DUT: variants seen among roughly 807,000 people sequenced by gnomAD.
The protein encoded by DUT is deoxyuridine 5'-triphosphate nucleotidohydrolase, mitochondrial.
Under a neutral mutation model 28.8 loss-of-function variants are expected in DUT, and 21 were observed. That is an observed-to-expected ratio of 0.73 (90% CI 0.52 to 1.05). The LOEUF (loss-of-function observed/expected upper bound fraction) is 1.05, where lower values mean the gene tolerates loss of function less well. Ranked by LOEUF, DUT falls within the 50% of genes least tolerant of loss-of-function variation. DUT has a pLI of 0.00. For synonymous variants in DUT, 147 were observed against 143.7 expected (o/e 1.02, Z -0.17); for missense variants, 344 against 351.8 (o/e 0.98, Z 0.18).
At chr15:48,341,855 A>G (rs2141169914) in intron 6 of DUT, 167 bp from the exon 7 acceptor site, 1 of 607,648 alleles carries the variant, frequency 1.6e-6, no homozygotes, top group African/African-American at 2.0e-5. Flanking sequence ...CCAGTATTCT[A>G]ATTTATGGAG....
chr15:48,331,701 C>T lies in DUT; in HGVS notation c.186C>T (p.Arg62=). The change falls in exon 1 of 7, where the codon CGC becomes CGT. Residue 62 remains arginine (R), a synonymous_variant. Coordinates refer to ENST00000331200, the MANE Select transcript of DUT (RefSeq NM_001025248.2). ...CCCGGCCGCTGTCCAGCGCTGGCCG[C>T]CTGAGCCAAGGCTGCCGCGGAGCCA... ...GIPRPLSSAG[R]LSQGCRGAST... 2 of 1,517,266 alleles carry T rather than the reference C, an allele frequency of 1.3e-6. No homozygotes were observed. Among genetic ancestry groups the T allele is most frequent in the Non-Finnish European group, 8.8e-7 (1 of 1,133,908 alleles). The allele number at this position is 1,517,266 out of a possible 1,614,324, so 94.0% of individuals were successfully genotyped here. A position where few individuals can be genotyped will look rare whatever the true frequency, so the allele number is the denominator to read the frequency against.
At chr15:48,333,735 G>A (rs1350891231) in intron 2 of DUT, among the ~76,000 whole-genome samples, 1 of 152,172 alleles carries the variant, frequency 6.6e-6, no homozygotes, top group Non-Finnish European at 1.5e-5. Flanking sequence ...TCCAGGGGCC[G>A]TTCACGGTGA....
At chr15:48,340,792 T>C (rs1204447541) in intron 4 of DUT, among the ~76,000 whole-genome samples, 2 of 152,184 alleles carry the variant, frequency 1.3e-5, no homozygotes, top group African/African-American at 4.8e-5. Context: ...AGTGTAAAAA[T>C]GGAATATTCT....
intron 2 of DUT, 58 bp downstream of exon 2, chr15:48,332,464 C>A (rs1389116300): frequency 1.4e-6 from 2 of 1,394,382 alleles, no homozygotes; most frequent in Admixed American, 2.7e-5. Context: ...GCTGCCACAG[C>A]TAGAAACAGT....
chr15:48,332,308 G>T lies in DUT; in HGVS notation c.321G>T (p.Ala107=). 1.2e-6 allele frequency: 2 copies of T among 1,608,920 alleles called. No individual in the cohort carries two copies. The highest frequency in any genetic ancestry group is 3.4e-5 in the Admixed American group (2 of 59,700). The part of the protein sequence containing the change: ...AISPSKRARP[A]EVGGMQLRFA... ...CACCCAGTAAGCGGGCCCGGCCTGCGGAGGTGGGCGGCATGCAGCTCCGCT... is the reference window on the plus strand; with the variant it reads ...CACCCAGTAAGCGGGCCCGGCCTGCTGAGGTGGGCGGCATGCAGCTCCGCT... The change falls in exon 2 of 7, where the codon GCG becomes GCT. Residue 107 remains alanine (A), a synonymous_variant. Coordinates refer to ENST00000331200, the MANE Select transcript of DUT (RefSeq NM_001025248.2).
chr15:48,335,902 C>T (rs557664704), intron 3 of DUT, 144 bp from the exon 4 acceptor site: 1 of 656,076 alleles, frequency 1.5e-6, no homozygotes. Context: ...AATATATATT[C>T]TTTAATTCAA....
chr15:48,334,994 G>C (rs966103680), intron 3 of DUT, among the ~76,000 whole-genome samples: 1 of 152,166 alleles, frequency 6.6e-6, no homozygotes, highest in Non-Finnish European at 1.5e-5. Context: ...AGTTCTTTTT[G>C]ACTAACTTCA....
chr15:48,339,602 A>G (rs1161244820), intron 4 of DUT, among the ~76,000 whole-genome samples: 2 of 152,140 alleles, frequency 1.3e-5, no homozygotes, highest in Non-Finnish European at 2.9e-5. Flanking sequence ...AAATTTTTTC[A>G]TAAATATTAA....
intron 1 of DUT, 59 bp downstream of exon 1, chr15:48,331,854 TGTGGGGGAAGTAGG>T: frequency 1.2e-6 from 1 of 821,292 alleles, no homozygotes; most frequent in Non-Finnish European, 1.4e-6. Context: ...GGCTTGAGGC[TGTGGGGGAAGTAGG>T]GTGGCGAGCG....
rs746648206 is a variant in DUT at position 48,342,024 on chromosome 15, C to T, written c.705C>T (p.Ala235=). Residue 235 remains alanine (A), a splice_region_variant and synonymous_variant, in exon 7 of 7, where the codon GCC becomes GCT. Transcript: ENST00000331200. ...CTTACTACCTTTCTATCTTTCAGGC[C>T]TTGGATGACACCGAAAGGGGTTCAG... ...IFYPEIEEVQ[A]LDDTERGSGG... The T allele has an allele frequency of 4.1e-5, 64 of 1,574,964 alleles. No individual in the cohort carries two copies. Among genetic ancestry groups the T allele is most frequent in the Non-Finnish European group, 5.2e-5 (61 of 1,166,072 alleles).
chr15:48,332,909 C>T (rs2042434424), intron 2 of DUT, among the ~76,000 whole-genome samples: 1 of 152,188 alleles, frequency 6.6e-6, no homozygotes, highest in African/African-American at 2.4e-5. Flanking sequence ...CTCTACAGCA[C>T]GTTTTACCTG....
intron 2 of DUT, 142 bp downstream of exon 2, chr15:48,332,548 T>A: frequency 1.2e-6 from 1 of 810,254 alleles, no homozygotes; most frequent in South Asian, 1.7e-5. Context: ...ATTTTAGCTT[T>A]CATCTTTGGC....
At position 48,331,740 on chromosome 15, in the gene DUT, C is replaced by T. The variant is rs1258822760; in HGVS notation, c.225C>T (p.Ala75=). ...GCCGCGGAGCCAGTACAGTCGGGGCCGCTGGCTGGAAGGGCGAGCTTCCTA... is the reference window on the plus strand; with the variant it reads ...GCCGCGGAGCCAGTACAGTCGGGGCTGCTGGCTGGAAGGGCGAGCTTCCTA... ...QGCRGASTVG[A]AGWKGELPKA... The change falls in exon 1 of 7, where the codon GCC becomes GCT. Residue 75 remains alanine, a synonymous_variant. Transcript: ENST00000331200. 1.4e-6 allele frequency: 2 copies of T among 1,437,928 alleles called. No individual in the cohort carries two copies. The highest frequency in any genetic ancestry group is 1.8e-6 in the Non-Finnish European group (2 of 1,097,166). The allele number at this position is 1,437,928 out of a possible 1,614,324, so 89.1% of individuals were successfully genotyped here.
Position 48,342,086 on chromosome 15 carries a change from G to T in DUT, c.*8G>T. On this transcript the variant is annotated 3_prime_UTR_variant, in exon 7 of 7. Coordinates refer to ENST00000331200, the MANE Select transcript of DUT (RefSeq NM_001025248.2). ...TCCACTGGAAAGAATTAAAATTTAT[G>T]CCAAGAACAGAAAACAAGAAGTCAT... 1 of 1,536,722 alleles carries T rather than the reference G, an allele frequency of 6.5e-7. No individual in the cohort carries two copies. Among genetic ancestry groups the T allele is most frequent in the Non-Finnish European group, 8.7e-7 (1 of 1,146,152 alleles).
chr15:48,338,340 A>G (rs1409267274), intron 4 of DUT, among the ~76,000 whole-genome samples: 11 of 152,204 alleles, frequency 7.2e-5, no homozygotes, highest in Non-Finnish European at 8.8e-5. Context: ...AAGACACCCA[A>G]TCATTTGAGT....
intron 2 of DUT, among the ~76,000 whole-genome samples, chr15:48,333,094 T>C (rs988492609): frequency 6.6e-6 from 1 of 151,812 alleles, no homozygotes; most frequent in Non-Finnish European, 1.5e-5. Flanking sequence ...TTCATCTGAC[T>C]ACTGTGCCCA....
chr15:48,341,087 G>T (rs1249115932), intron 4 of DUT: 3 of 433,080 alleles, frequency 6.9e-6, no homozygotes, highest in Non-Finnish European at 4.1e-6. Context: ...GGAAAATTAG[G>T]ACCTGTTTTC....
rs1329750323 is a variant in DUT, at chr15:48,331,432, C to G, written c.-84C>G. 1 of 1,570,938 alleles carries G rather than the reference C, an allele frequency of 6.4e-7. No individual in the cohort carries two copies. Among genetic ancestry groups the G allele is most frequent in the African/African-American group, 1.4e-5 (1 of 73,504 alleles). ...CTGCGACTGCTTCCGAGGTCATGTT[C>G]CCAGGACGGGCGCGTCTTCAGGGTG... On this transcript the variant is annotated 5_prime_UTR_variant, in exon 1 of 7. Coordinates refer to ENST00000331200, the MANE Select transcript of DUT (RefSeq NM_001025248.2).
At chr15:48,331,826 T>C in intron 1 of DUT, 31 bp downstream of exon 1, 2 of 1,251,264 alleles carry the variant, frequency 1.6e-6, no homozygotes, top group Non-Finnish European at 1.0e-6. Flanking sequence ...GCTCCGGCCG[T>C]CTGGAAGGAA....
Sources: gnomAD v4.1 joint callset for allele counts (sites outside exome capture counted in the v4.1 genomes callset) on GRCh38, gnomAD v4.1.1 for gene constraint, MANE v1.5 for transcripts, NCBI Gene and HGNC (gene_info 2026-07-23, HGNC 2026-07-21) for gene names.